NUP107: variants seen among roughly 807,000 people sequenced by gnomAD.
NUP107 encodes the protein nucleoporin 107, also known as nuclear pore complex protein Nup107.
Under a neutral mutation model 141.0 loss-of-function variants are expected in NUP107, and 101 were observed. The ratio of observed to expected loss-of-function variants is 0.72; its 90% confidence interval spans 0.61 to 0.84. The LOEUF (loss-of-function observed/expected upper bound fraction) is 0.84, where lower values mean the gene tolerates loss of function less well. NUP107 is among the 40% of genes least tolerant of loss of function. The pLI is 0.00. For synonymous variants in NUP107, 319 were observed against 363.9 expected (o/e 0.88, Z 1.41); for missense variants, 941 against 1,102.7 (o/e 0.85, Z 2.08).
chr12:68,742,031 G>T, intron 27 of NUP107, 51 bp downstream of exon 27: 1 of 1,364,538 alleles, frequency 7.3e-7, no homozygotes. Flanking sequence ...GATATGCTCT[G>T]TAGTAATATT....
At chr12:68,739,015 A>G (rs1878204512) in intron 26 of NUP107, among the ~76,000 whole-genome samples, 1 of 151,696 alleles carries the variant, frequency 6.6e-6, no homozygotes, top group African/African-American at 2.4e-5. Flanking sequence ...CTGCTCTCCC[A>G]TCACTATATC....
At chr12:68,712,567 A>G (rs1876909793) in intron 10 of NUP107, among the ~76,000 whole-genome samples, 1 of 151,780 alleles carries the variant, frequency 6.6e-6, no homozygotes, top group South Asian at 2.1e-4. Flanking sequence ...ATTAAATCTT[A>G]AGTGGATGTG....
chr12:68,716,543 T>G (rs1333278837), intron 12 of NUP107, among the ~76,000 whole-genome samples: 1 of 152,202 alleles, frequency 6.6e-6, no homozygotes, highest in Non-Finnish European at 1.5e-5. Flanking sequence ...ATCTTCATTA[T>G]TTCTAATTCT....
At chr12:68,738,977 TA>T (rs909972542) in intron 26 of NUP107, among the ~76,000 whole-genome samples, 12 of 152,004 alleles carry the variant, frequency 7.9e-5, no homozygotes, top group Non-Finnish European at 1.6e-4. Context: ...CTTTTTTTTT[TA>T]AACTAACCCC....
rs1196148151 is a variant in NUP107 at position 68,742,515 on chromosome 12, A to T, written c.*53A>T. On this transcript the variant is annotated 3_prime_UTR_variant, in exon 28 of 28. Coordinates refer to ENST00000229179, the MANE Select transcript of NUP107 (RefSeq NM_020401.4). ...CATGATAAATGAAGTTTTTAATAAA[A>T]TATACTTGTTATTAGTAATTTTTTC... The T allele has an allele frequency of 2.1e-6, 2 of 959,382 alleles. No individual in the cohort carries two copies. The highest frequency in any genetic ancestry group is 1.7e-5 in the South Asian group (1 of 60,440). 59.4% of individuals were successfully genotyped at this position (959,382 alleles called of 1,614,324 possible).
chr12:68,709,893 A>AT (rs968461310), intron 9 of NUP107, 112 bp from the exon 10 acceptor site: 7 of 633,848 alleles, frequency 1.1e-5, no homozygotes, highest in South Asian at 6.5e-5. Flanking sequence ...TTTCTCAAAA[A>AT]AAAAAATAAA....
In NUP107 at chr12:68,701,214, G is replaced by C. The variant is rs564678486; in HGVS notation, c.680+361G>C. On this transcript the variant is annotated intron_variant, in intron 7 of 27. Coordinates refer to ENST00000229179, the MANE Select transcript of NUP107 (RefSeq NM_020401.4). ...AAGATTATACCATGTACATATCCTT[G>C]AATCTAGGAATTTTATGCCTAGAAA... is the stretch of plus-strand genomic sequence containing the variant. Among the ~76,000 whole-genome samples, 279 of 152,284 alleles carry C rather than the reference G, an allele frequency of 1.8e-3. 1 individual carries two copies. The highest frequency in any genetic ancestry group is 6.3e-3 in the African/African-American group (263 of 41,556).
intron 19 of NUP107, among the ~76,000 whole-genome samples, chr12:68,727,075 T>A (rs1592516517): frequency 6.6e-6 from 1 of 152,322 alleles, no homozygotes; most frequent in East Asian, 1.9e-4. Context: ...ATTCAGCAGC[T>A]TCTATCTGTG....
chr12:68,731,259 A>G lies in NUP107; in HGVS notation c.1884A>G (p.Ala628=). 6.3e-7 allele frequency: 1 copy of G among 1,592,816 alleles called. No homozygotes were observed. The highest frequency in any genetic ancestry group is 8.5e-7 in the Non-Finnish European group (1 of 1,173,040). The change falls in exon 21 of 28, where the codon GCA becomes GCG. Residue 628 remains alanine, a splice_region_variant and synonymous_variant. Transcript: ENST00000229179. ...RHHCLELAKE[A]DLDVATITKT... is the part of the protein sequence containing the mutation. Reference sequence around the variant, plus strand: ...ATTGCCTGGAGTTGGCTAAAGAAGCAGGTAAAAATGGTTGAAAACTTTGTC... The same window carrying G: ...ATTGCCTGGAGTTGGCTAAAGAAGCGGGTAAAAATGGTTGAAAACTTTGTC...
intron 8 of NUP107, among the ~76,000 whole-genome samples, chr12:68,707,960 G>A (rs1356527575): frequency 6.6e-6 from 1 of 152,064 alleles, no homozygotes. Flanking sequence ...CCCAGGTGTG[G>A]TGGCAGGCAC....
intron 26 of NUP107, among the ~76,000 whole-genome samples, chr12:68,737,750 A>C (rs1184779816): frequency 6.6e-6 from 1 of 152,202 alleles, no homozygotes; most frequent in Non-Finnish European, 1.5e-5. Flanking sequence ...ATAACATTTT[A>C]ATCACCTTTG....
In NUP107 at chr12:68,692,077, C is replaced by T; in HGVS notation, c.413C>T (p.Ala138Val). 6.2e-7 allele frequency: 1 copy of T among 1,609,640 alleles called. No homozygotes were observed. The highest frequency in any genetic ancestry group is 1.1e-5 in the South Asian group (1 of 89,944). The change falls in exon 5 of 28, where the codon GCT (alanine) becomes GTT (valine). Residue 138 changes from alanine to valine, a missense_variant. By Grantham distance (64) the Ala-to-Val change is moderately conservative. Transcript: ENST00000229179. ...ATAACAGAAGATGTAACTATCAGTG[C>T]TGTTATGTTACGTGAGGATGATCCT... ...HSITEDVTIS[A>V]VMLREDDPGE...
In NUP107 at chr12:68,731,155, T is replaced by A. The variant is rs764516780; in HGVS notation, c.1780T>A (p.Cys594Ser). The A allele has an allele frequency of 1.2e-6, 2 of 1,609,698 alleles. No homozygotes were observed. The highest frequency in any genetic ancestry group is 1.7e-6 in the Non-Finnish European group (2 of 1,177,892). The change falls in exon 21 of 28, where the codon TGT becomes AGT. Residue 594 changes from cysteine to serine, a missense_variant. Transcript: ENST00000229179. The stretch of plus-strand genomic sequence containing the variant: ...TACAAATCTTATAGCATTTTATACC[T>A]GTCATTTGCCTCAAGACCTAGCTGT... ...KHTNLIAFYTCHLPQDLAVAQ... is the reference protein window; with the variant it reads ...KHTNLIAFYTSHLPQDLAVAQ...
chr12:68,696,386 G>A (rs555403591), intron 5 of NUP107, among the ~76,000 whole-genome samples: 16 of 145,388 alleles, frequency 1.1e-4, no homozygotes, highest in Non-Finnish European at 2.1e-4. Flanking sequence ...TTTTAATATA[G>A]CAGTGAATTT....
At chr12:68,706,391 TC>T in intron 8 of NUP107, 2 of 1,198,326 alleles carry the variant, frequency 1.7e-6, no homozygotes, top group Non-Finnish European at 2.5e-6. Context: ...CAACAGTCGC[TC>T]CCTGGACATG....
rs1878370228 is a variant in NUP107, at chr12:68,742,666, T to A, written c.*204T>A. ...GCTTGTTAATAAAACTATATAAAAA[T>A]TAAAATTTTCTGTTTTTACAAATTC... is the stretch of plus-strand genomic sequence containing the variant. On this transcript the variant is annotated 3_prime_UTR_variant, in exon 28 of 28. Coordinates refer to ENST00000229179, the MANE Select transcript of NUP107 (RefSeq NM_020401.4). 3.7e-6 allele frequency: 1 copy of A among 270,338 alleles called. No homozygotes were observed. The highest frequency in any genetic ancestry group is 1.6e-4 in the South Asian group (1 of 6,268). 16.7% of individuals were successfully genotyped at this position (270,338 alleles called of 1,614,324 possible). A position where few individuals can be genotyped will look rare whatever the true frequency, so the allele number is the denominator to read the frequency against.
At chr12:68,710,117 T>C (rs750113158) in intron 10 of NUP107, 24 bp downstream of exon 10, 6 of 1,162,324 alleles carry the variant, frequency 5.2e-6, no homozygotes, top group South Asian at 1.3e-5. Flanking sequence ...CTTTAATTCT[T>C]AAGGTCACTC....
intron 11 of NUP107, among the ~76,000 whole-genome samples, chr12:68,714,590 A>G (rs1405942640): frequency 2.0e-5 from 3 of 152,232 alleles, no homozygotes; most frequent in Admixed American, 2.0e-4. Flanking sequence ...TGATATTCAT[A>G]TTACCATACA....
At chr12:68,715,500 GA>G in intron 11 of NUP107, 126 bp from the exon 12 acceptor site, 2 of 629,586 alleles carry the variant, frequency 3.2e-6, no homozygotes, top group South Asian at 3.8e-5. Context: ...TCTCGGAAAA[GA>G]AAAAAGAAAA....
Sources: allele counts gnomAD v4.1 joint callset (sites outside exome capture counted in the v4.1 genomes callset), GRCh38; gene constraint gnomAD v4.1.1; transcripts MANE v1.5; gene names NCBI Gene and HGNC (gene_info 2026-07-23, HGNC 2026-07-21).